The following EPHB2 variants were observed in gnomAD, a reference collection of about 807,000 sequenced individuals.
The protein encoded by EPHB2 is ephrin type-B receptor 2.
EPHB2 carries 18 observed loss-of-function variants against 96.4 expected under a neutral mutation model. The observed-to-expected ratio is 0.19, with a 90% CI of 0.13 to 0.28. EPHB2 has a LOEUF of 0.28. EPHB2 is among the 10% of genes least tolerant of loss of function. The pLI is 1.00. For missense variants in EPHB2, 989 were observed against 1,355.4 expected, an observed-to-expected ratio of 0.73 and a Z score of 4.25; for synonymous variants, 506 against 534.1, an observed-to-expected ratio of 0.95 and a Z score of 0.72.
chr1:22,802,223 G>T (rs7530478), intron 3 of EPHB2, among the ~76,000 whole-genome samples: 16 of 152,124 alleles, frequency 1.1e-4, no homozygotes, highest in Middle Eastern at 3.4e-3. Context: ...TGATGGCCCA[G>T]TTGGGTTATT....
At chr1:22,745,482 G>A (rs1643959718) in intron 1 of EPHB2, among the ~76,000 whole-genome samples, 1 of 152,200 alleles carries the variant, frequency 6.6e-6, no homozygotes, top group Admixed American at 6.5e-5. Context: ...GGAACTTTTT[G>A]AGTGGTAGTT....
At chr1:22,725,042 G>C (rs1489696844) in intron 1 of EPHB2, among the ~76,000 whole-genome samples, 1 of 152,006 alleles carries the variant, frequency 6.6e-6, no homozygotes, top group Non-Finnish European at 1.5e-5. Context: ...TTCTGCTCTT[G>C]GTGGCATCTG....
rs1644673163 is a variant in EPHB2, at chr1:22,790,332, G to A, written c.811+5256G>A. 6.6e-6 allele frequency among the ~76,000 whole-genome samples: 1 copy of A among 152,090 alleles called. No homozygotes were observed. Among genetic ancestry groups the A allele is most frequent in the Non-Finnish European group, 1.5e-5 (1 of 68,022 alleles). ...CATGCCTAATCGGGGTCTACACTGG[G>A]CATACAGCTGCCAGGTGAGGATTCC... On this transcript the variant is annotated intron_variant, in intron 3 of 15. Coordinates refer to ENST00000374630, the MANE Select transcript of EPHB2 (RefSeq NM_017449.5). This position sits in a 1 kb window ranked among gnomAD's most constrained non-coding sequence, Gnocchi z 4.0.
chr1:22,850,389 C>T (rs1246303710), intron 3 of EPHB2, among the ~76,000 whole-genome samples: 1 of 152,192 alleles, frequency 6.6e-6, no homozygotes, highest in African/African-American at 2.4e-5. Flanking sequence ...TTGGGAGATG[C>T]TCCCCAGCTC....
At chr1:22,853,831 C>T (rs563984786) in intron 3 of EPHB2, among the ~76,000 whole-genome samples, 8 of 152,338 alleles carry the variant, frequency 5.3e-5, no homozygotes, top group African/African-American at 1.9e-4. Flanking sequence ...AGGGAGCCAC[C>T]GAAGGGTCCT....
intron 14 of EPHB2, 53 bp from the exon 15 acceptor site, chr1:22,912,391 G>A (rs199732530): frequency 5.6e-6 from 9 of 1,610,970 alleles, no homozygotes; most frequent in East Asian, 2.2e-5. Context: ...GTCCCTGCAC[G>A]CTCCCTGCAA....
At chr1:22,748,565 A>G (rs1011880921) in intron 1 of EPHB2, among the ~76,000 whole-genome samples, 2 of 151,574 alleles carry the variant, frequency 1.3e-5, no homozygotes, top group African/African-American at 4.8e-5. Context: ...TATTTTTAGT[A>G]GAGACAGGGT....
chr1:22,812,585 C>T (rs1481291736), intron 3 of EPHB2, among the ~76,000 whole-genome samples: 1 of 152,154 alleles, frequency 6.6e-6, no homozygotes, highest in Non-Finnish European at 1.5e-5. Flanking sequence ...GAGGGGACTT[C>T]AGGGCAGCCA....
intron 1 of EPHB2, among the ~76,000 whole-genome samples, chr1:22,717,756 T>C (rs1427480052): frequency 2.0e-5 from 3 of 152,352 alleles, no homozygotes; most frequent in Admixed American, 2.0e-4. Flanking sequence ...TCCCTTTCTC[T>C]GAAGTCCTAC....
intron 5 of EPHB2, among the ~76,000 whole-genome samples, chr1:22,866,134 G>A (rs943000485): frequency 1.3e-5 from 2 of 152,122 alleles, no homozygotes; most frequent in Non-Finnish European, 2.9e-5. Flanking sequence ...TGAGATTATC[G>A]AGGACATTAT....
At chr1:22,896,530 C>T in intron 9 of EPHB2, 52 bp downstream of exon 9, 1 of 1,608,732 alleles carries the variant, frequency 6.2e-7, no homozygotes, top group Non-Finnish European at 8.5e-7. Flanking sequence ...ACTGTCGGTT[C>T]CCCAGTGACC....
intron 9 of EPHB2, among the ~76,000 whole-genome samples, chr1:22,897,605 G>A (rs1179613645): frequency 2.6e-5 from 4 of 151,882 alleles, no homozygotes; most frequent in African/African-American, 9.7e-5. Context: ...TTGCCAACAT[G>A]GAGAAATGCT....
chr1:22,898,159 G>A (rs556254258), intron 9 of EPHB2, among the ~76,000 whole-genome samples: 1 of 151,176 alleles, frequency 6.6e-6, no homozygotes, highest in African/African-American at 2.4e-5. Context: ...AGAAAAGAAA[G>A]AAAGAAAAGA....
intron 1 of EPHB2, among the ~76,000 whole-genome samples, chr1:22,765,263 C>G (rs1432246292): frequency 6.6e-6 from 1 of 152,110 alleles, no homozygotes; most frequent in Non-Finnish European, 1.5e-5. Context: ...AACCCTGAGT[C>G]TAGCCGGGTG....
chr1:22,888,013 A>G (rs556682317), intron 6 of EPHB2, among the ~76,000 whole-genome samples: 2 of 152,198 alleles, frequency 1.3e-5, no homozygotes, highest in East Asian at 1.9e-4. Flanking sequence ...GGCTTACTCT[A>G]TAATGGTTTT....
At chr1:22,903,811 A>G (rs1639822477) in intron 9 of EPHB2, among the ~76,000 whole-genome samples, 1 of 152,120 alleles carries the variant, frequency 6.6e-6, no homozygotes, top group African/African-American at 2.4e-5. Flanking sequence ...GCAGAGCTTT[A>G]TGCGTGTGCC....
At chr1:22,787,073 C>T (rs542976418) in intron 3 of EPHB2, among the ~76,000 whole-genome samples, 1 of 152,218 alleles carries the variant, frequency 6.6e-6, no homozygotes, top group Non-Finnish European at 1.5e-5. Flanking sequence ...TGTTGAGCAT[C>T]AGGCAGTACA....
At chr1:22,752,888 A>G (rs1013273074) in intron 1 of EPHB2, among the ~76,000 whole-genome samples, 2 of 151,814 alleles carry the variant, frequency 1.3e-5, no homozygotes, top group South Asian at 2.1e-4. Context: ...GGCTCAAGCA[A>G]TCTTCCTGCC....
In EPHB2 at chr1:22,790,513, A is replaced by G. The variant is rs1190614383; in HGVS notation, c.811+5437A>G. On this transcript the variant is annotated intron_variant, in intron 3 of 15. Transcript: ENST00000374630. The surrounding 1 kb of genome is among the most constrained non-coding windows in gnomAD (Gnocchi z 4.0). ...CAAGTCTGTTTCTCTGACTCTTTCT[A>G]GAGTATGATAGGTGTGATTGTGAAT... Among the ~76,000 whole-genome samples the G allele has an allele frequency of 2.0e-5, 3 of 152,156 alleles. No individual in the cohort carries two copies. Among genetic ancestry groups the G allele is most frequent in the East Asian group, 3.9e-4 (2 of 5,144 alleles).
Sources: allele counts gnomAD v4.1 joint callset (sites outside exome capture counted in the v4.1 genomes callset), GRCh38; gene constraint gnomAD v4.1.1; non-coding constraint Gnocchi (gnomAD v3.1); transcripts MANE v1.5; gene names NCBI Gene and HGNC (gene_info 2026-07-23, HGNC 2026-07-21).